CNTN5: variants seen among roughly 807,000 people sequenced by gnomAD.
The protein encoded by CNTN5 is contactin 5, also known as contactin-5.
In CNTN5, 77 loss-of-function variants were observed where a neutral mutation model predicts 129.1. The observed-to-expected ratio is 0.60, with a 90% CI of 0.50 to 0.72. The LOEUF (loss-of-function observed/expected upper bound fraction) is 0.72, where lower values mean the gene tolerates loss of function less well. Among genes scored for constraint, CNTN5 ranks in the 30% least tolerant of loss-of-function variants. CNTN5 has a pLI of 0.00. For missense variants in CNTN5, 1,478 were observed against 1,328.8 expected (o/e 1.11, Z -1.75); for synonymous variants, 509 against 465.6 (o/e 1.09, Z -1.20).
At chr11:100,045,924 A>C (rs1313169009) in intron 9 of CNTN5, among the ~76,000 whole-genome samples, 1 of 152,194 alleles carries the variant, frequency 6.6e-6, no homozygotes, top group Non-Finnish European at 1.5e-5. Context: ...GAAAGACATC[A>C]AACACTTTTT....
At chr11:99,993,310 C>G (rs964220251) in intron 8 of CNTN5, among the ~76,000 whole-genome samples, 52 of 152,248 alleles carry the variant, frequency 3.4e-4, no homozygotes, top group African/African-American at 1.2e-3. Context: ...TTTTGCAACA[C>G]TTTTATCAGC....
chr11:99,989,362 G>A (rs185916360), intron 8 of CNTN5, among the ~76,000 whole-genome samples: 4 of 152,130 alleles, frequency 2.6e-5, no homozygotes, highest in Non-Finnish European at 5.9e-5. Context: ...TTGGCTGTTG[G>A]AAGCAGAATC....
intron 9 of CNTN5, among the ~76,000 whole-genome samples, chr11:100,016,265 C>G (rs1940814917): frequency 6.6e-6 from 1 of 152,036 alleles, no homozygotes. Flanking sequence ...ATCTGAATTA[C>G]ATTTTTCAAA....
At chr11:100,336,920 G>T in intron 21 of CNTN5, 1 of 620,782 alleles carries the variant, frequency 1.6e-6, no homozygotes, top group South Asian at 1.7e-5. Flanking sequence ...AATACATGCA[G>T]TCCCCGGTAG....
intron 3 of CNTN5, among the ~76,000 whole-genome samples, chr11:99,582,870 G>C (rs1316802689): frequency 6.6e-6 from 1 of 152,198 alleles, no homozygotes; most frequent in Non-Finnish European, 1.5e-5. Context: ...CTGGTGAGGA[G>C]CTGTGTTCCT....
chr11:99,113,260 C>T (rs534610083), intron 1 of CNTN5, among the ~76,000 whole-genome samples: 7 of 152,122 alleles, frequency 4.6e-5, no homozygotes, highest in South Asian at 2.1e-4. Flanking sequence ...AACATCTCCA[C>T]GCACTTATCA....
chr11:99,569,407 G>A (rs112958109), intron 3 of CNTN5, among the ~76,000 whole-genome samples: 6 of 152,122 alleles, frequency 3.9e-5, no homozygotes, highest in African/African-American at 7.2e-5. Flanking sequence ...TCCGCCTCCC[G>A]GGTTCAAGCG....
intron 7 of CNTN5, among the ~76,000 whole-genome samples, chr11:99,951,367 C>T (rs1950671825): frequency 6.6e-6 from 1 of 151,868 alleles, no homozygotes; most frequent in East Asian, 1.9e-4. Flanking sequence ...CTCAACTGTG[C>T]TTTGCATATT....
intron 3 of CNTN5, among the ~76,000 whole-genome samples, chr11:99,782,250 C>T (rs1945338220): frequency 6.9e-6 from 1 of 145,786 alleles, no homozygotes; most frequent in Non-Finnish European, 1.5e-5. Context: ...GAATAAAATA[C>T]CTAGGAATCC....
At chr11:99,189,098 G>T (rs1858501954) in intron 1 of CNTN5, among the ~76,000 whole-genome samples, 1 of 151,468 alleles carries the variant, frequency 6.6e-6, no homozygotes, top group Non-Finnish European at 1.5e-5. Context: ...TCATCTTTCT[G>T]TGCTTAGCTT....
intron 1 of CNTN5, among the ~76,000 whole-genome samples, chr11:99,311,847 A>G (rs540205074): frequency 6.6e-6 from 1 of 152,330 alleles, no homozygotes; most frequent in Non-Finnish European, 1.5e-5. Flanking sequence ...CCAGAAGATG[A>G]TTAAGAAATA....
chr11:100,054,229 A>T (rs1293478209), intron 9 of CNTN5, among the ~76,000 whole-genome samples: 1 of 151,768 alleles, frequency 6.6e-6, no homozygotes, highest in Non-Finnish European at 1.5e-5. Flanking sequence ...GGCAAGCCAT[A>T]CTCAAAGCAT....
At chr11:100,180,782 A>G (rs1362986321) in intron 13 of CNTN5, among the ~76,000 whole-genome samples, 1 of 152,014 alleles carries the variant, frequency 6.6e-6, no homozygotes, top group South Asian at 2.1e-4. Flanking sequence ...ACTTATCAGG[A>G]AAGTAAAAAT....
intron 16 of CNTN5, among the ~76,000 whole-genome samples, chr11:100,231,690 A>G (rs1417500578): frequency 6.6e-6 from 1 of 152,198 alleles, no homozygotes; most frequent in Non-Finnish European, 1.5e-5. Flanking sequence ...ATAATCAGAA[A>G]GATGTGGAGA....
chr11:99,107,505 A>C (rs1867053866), intron 1 of CNTN5, among the ~76,000 whole-genome samples: 1 of 152,108 alleles, frequency 6.6e-6, no homozygotes, highest in Admixed American at 6.5e-5. Context: ...TTATTTCTCT[A>C]TAGCTATTAG....
At chr11:99,181,368 C>A (rs537266411) in intron 1 of CNTN5, among the ~76,000 whole-genome samples, 1 of 152,242 alleles carries the variant, frequency 6.6e-6, no homozygotes, top group South Asian at 2.1e-4. Flanking sequence ...TGGGTTTGGG[C>A]AAAATAGACT....
intron 3 of CNTN5, among the ~76,000 whole-genome samples, chr11:99,677,858 G>T (rs895677725): frequency 2.6e-5 from 4 of 151,878 alleles, no homozygotes; most frequent in Admixed American, 1.3e-4. Context: ...TCATGACCTC[G>T]CAATTACCAA....
At chr11:99,704,349 T>A (rs1954661163) in intron 3 of CNTN5, among the ~76,000 whole-genome samples, 1 of 151,080 alleles carries the variant, frequency 6.6e-6, no homozygotes, top group South Asian at 2.1e-4. Flanking sequence ...AAAAGCCATG[T>A]TGACTTTTAA....
intron 5 of CNTN5, 52 bp downstream of exon 5, chr11:99,845,027 A>C: frequency 3.1e-6 from 5 of 1,609,300 alleles, no homozygotes; most frequent in Non-Finnish European, 4.2e-6. Flanking sequence ...CTTTCCATCA[A>C]TGATATTCTG....
Sources: allele counts gnomAD v4.1 joint callset (sites outside exome capture counted in the v4.1 genomes callset), GRCh38; gene constraint gnomAD v4.1.1; transcripts MANE v1.5; gene names NCBI Gene and HGNC (gene_info 2026-07-23, HGNC 2026-07-21).